Variants in CLVS2 observed in about 807,000 individuals in gnomAD.
CLVS2 encodes the protein clavesin-2.
CLVS2 carries 19 observed loss-of-function variants against 29.0 expected under a neutral mutation model. That is an observed-to-expected ratio of 0.66 (90% CI 0.46 to 0.96). The LOEUF is 0.96. Among genes scored for constraint, CLVS2 ranks in the 40% least tolerant of loss-of-function variants. The probability of loss-of-function intolerance (pLI) is 0.00; values close to 1 mark genes in which losing one functional copy is unlikely to be tolerated. For missense variants in CLVS2, 294 were observed against 404.1 expected (o/e 0.73, Z 2.34); for synonymous variants, 161 against 151.3 (o/e 1.06, Z -0.47).
At chr6:123,005,287 G>A (rs1292340657) in intron 2 of CLVS2, among the ~76,000 whole-genome samples, 1 of 151,976 alleles carries the variant, frequency 6.6e-6, no homozygotes, top group Non-Finnish European at 1.5e-5. Context: ...CACCTAGAAG[G>A]CTTCATCAGC....
At chr6:123,036,689 C>G (rs1171158848) in intron 3 of CLVS2, among the ~76,000 whole-genome samples, 2 of 152,190 alleles carry the variant, frequency 1.3e-5, no homozygotes, top group East Asian at 3.9e-4. Context: ...TCAGCACTTT[C>G]AGACTGAGGG....
At chr6:123,063,610 G>T in intron 5 of CLVS2, 64 bp from the exon 6 acceptor site, 2 of 871,660 alleles carry the variant, frequency 2.3e-6, no homozygotes, top group Non-Finnish European at 3.8e-6. Context: ...ACAAAAAGAG[G>T]AGAGAATGTC....
chr6:123,034,405 A>G (rs1429530873), intron 3 of CLVS2, among the ~76,000 whole-genome samples: 1 of 152,196 alleles, frequency 6.6e-6, no homozygotes, highest in Non-Finnish European at 1.5e-5. Flanking sequence ...AAAGCTATTG[A>G]TACACACAAC....
rs962929212 is a variant in CLVS2 at position 123,008,744 on chromosome 6, C to T, written c.390-2241C>T. On this transcript the variant is annotated intron_variant, in intron 2 of 5. Coordinates refer to ENST00000275162, the MANE Select transcript of CLVS2 (RefSeq NM_001010852.4). Reference sequence around the variant, plus strand: ...AGAAATACAGTCTTCCTGCTCCAACCTTCCAATGCCTGTGTTTATAGGTTT... The same window carrying T: ...AGAAATACAGTCTTCCTGCTCCAACTTTCCAATGCCTGTGTTTATAGGTTT... Among the ~76,000 whole-genome samples, 5 of 151,796 alleles carry T rather than the reference C, an allele frequency of 3.3e-5. 1 individual carries two copies. The South Asian group carries it at 8.3e-4, about 25-fold the overall frequency.
At chr6:122,998,970 G>C (rs924861820) in intron 2 of CLVS2, among the ~76,000 whole-genome samples, 10 of 152,136 alleles carry the variant, frequency 6.6e-5, no homozygotes, top group African/African-American at 2.2e-4. Context: ...CATTATTATA[G>C]AAAAATGCAG....
rs1772816590 is a variant in CLVS2 at position 123,064,010 on chromosome 6, T to C, written c.*249T>C. ...AATATAATGTAATCTTCATGTCAAG[T>C]TTGTAAATTTCAGTAGTAACTCAGT... is the stretch of plus-strand genomic sequence containing the variant. On this transcript the variant is annotated 3_prime_UTR_variant, in exon 6 of 6. Coordinates refer to ENST00000275162, the MANE Select transcript of CLVS2 (RefSeq NM_001010852.4). 1 of 322,420 alleles carries C rather than the reference T, an allele frequency of 3.1e-6. No individual in the cohort carries two copies. The highest frequency in any genetic ancestry group is 5.7e-6 in the Non-Finnish European group (1 of 175,848). The allele number at this position is 322,420 out of a possible 1,614,324, so 20.0% of individuals were successfully genotyped here. A position where few individuals can be genotyped will look rare whatever the true frequency, so the allele number is the denominator to read the frequency against.
Position 122,998,030 on chromosome 6 carries a change from A to C in CLVS2, c.253A>C (p.Met85Leu), listed in dbSNP as rs1415431298. 16 of 1,614,042 alleles carry C rather than the reference A, an allele frequency of 9.9e-6. No homozygotes were observed. Among genetic ancestry groups the C allele is most frequent in the Non-Finnish European group, 1.4e-5 (16 of 1,180,042 alleles). Residue 85 changes from methionine to leucine, a missense_variant, in exon 2 of 6, where the codon ATG becomes CTG. Physicochemically the swap from Met to Leu is conservative, Grantham distance 15. Transcript: ENST00000275162. ...YFEYRQQNLD[M>L]FKSFKATDPG... ...TGAGTACCGGCAGCAGAACCTGGACATGTTCAAAAGCTTTAAGGCCACCGA... is the reference window on the plus strand; with the variant it reads ...TGAGTACCGGCAGCAGAACCTGGACCTGTTCAAAAGCTTTAAGGCCACCGA...
chr6:123,009,732 A>G (rs567825107), intron 2 of CLVS2, among the ~76,000 whole-genome samples: 2 of 152,214 alleles, frequency 1.3e-5, no homozygotes, highest in South Asian at 4.1e-4. Context: ...GTGTACAAAA[A>G]TTGAAATTGT....
intron 3 of CLVS2, among the ~76,000 whole-genome samples, 178 bp from the exon 4 acceptor site, chr6:123,048,437 GCTTCAGT>G (rs1772550162): frequency 6.6e-6 from 1 of 152,156 alleles, no homozygotes; most frequent in South Asian, 2.1e-4. Flanking sequence ...ATTATACATT[GCTTCAGT>G]TACTGTATGA....
At chr6:123,040,719 G>T (rs1775216679) in intron 3 of CLVS2, among the ~76,000 whole-genome samples, 1 of 150,632 alleles carries the variant, frequency 6.6e-6, no homozygotes, top group South Asian at 2.2e-4. Context: ...AGTGAGCCGA[G>T]ATCGCGCCAT....
chr6:123,045,745 A>G (rs568852849), intron 3 of CLVS2, among the ~76,000 whole-genome samples: 14 of 152,276 alleles, frequency 9.2e-5, no homozygotes, highest in African/African-American at 2.6e-4. Flanking sequence ...CTCACGGTTT[A>G]ATAGTGGACG....
chr6:123,000,752 G>A (rs1383832566), intron 2 of CLVS2, among the ~76,000 whole-genome samples: 1 of 152,184 alleles, frequency 6.6e-6, no homozygotes, highest in African/African-American at 2.4e-5. Context: ...CCAGAAGACT[G>A]CATGTCTGAA....
intron 2 of CLVS2, among the ~76,000 whole-genome samples, chr6:123,002,586 T>TAACAAAATAAAATAA (rs1554200614): frequency 6.9e-6 from 1 of 144,162 alleles, no homozygotes; most frequent in East Asian, 2.1e-4. Context: ...GTACTAAAAA[T>TAACAAAATAAAATAA]AATAAAATAA....
At chr6:123,035,407 A>G (rs181776868) in intron 3 of CLVS2, among the ~76,000 whole-genome samples, 4 of 152,254 alleles carry the variant, frequency 2.6e-5, no homozygotes, top group Admixed American at 2.6e-4. Flanking sequence ...TATTATCAAA[A>G]TCTGATCCAA....
At chr6:123,027,128 G>C (rs1159564634) in intron 3 of CLVS2, among the ~76,000 whole-genome samples, 1 of 152,122 alleles carries the variant, frequency 6.6e-6, no homozygotes, top group Non-Finnish European at 1.5e-5. Flanking sequence ...GCAAGATAAA[G>C]TAAAGAAGTC....
intron 3 of CLVS2, among the ~76,000 whole-genome samples, chr6:123,046,069 C>T (rs1215723753): frequency 6.6e-6 from 1 of 152,108 alleles, no homozygotes; most frequent in Non-Finnish European, 1.5e-5. Flanking sequence ...CGAGGAAGAT[C>T]ACAGTGAGGG....
chr6:123,034,860 T>G (rs1210523453), intron 3 of CLVS2, among the ~76,000 whole-genome samples: 1 of 152,070 alleles, frequency 6.6e-6, no homozygotes, highest in Non-Finnish European at 1.5e-5. Context: ...GCTCAGTTTT[T>G]GCAACTTCCT....
chr6:123,024,376 A>C (rs1332639697), intron 3 of CLVS2, among the ~76,000 whole-genome samples: 3 of 152,144 alleles, frequency 2.0e-5, no homozygotes, highest in Non-Finnish European at 4.4e-5. Context: ...CTGAAACCAC[A>C]TGAAGAGATT....
chr6:123,043,939 A>C (rs1582659777), intron 3 of CLVS2, among the ~76,000 whole-genome samples: 1 of 152,228 alleles, frequency 6.6e-6, no homozygotes, highest in South Asian at 2.1e-4. Context: ...CTAGAAATAT[A>C]TGAATAATTC....
Sources: gnomAD v4.1 joint callset for allele counts (sites outside exome capture counted in the v4.1 genomes callset) on GRCh38, gnomAD v4.1.1 for gene constraint, MANE v1.5 for transcripts, NCBI Gene and HGNC (gene_info 2026-07-23, HGNC 2026-07-21) for gene names.